Variants in CCDC30 observed in about 807,000 individuals in gnomAD.
The protein encoded by CCDC30 is coiled-coil domain containing 30, also known as coiled-coil domain-containing protein 30.
A neutral mutation model predicts 100.2 loss-of-function variants in CCDC30; 70 were observed. The observed-to-expected ratio is 0.70, with a 90% confidence interval of 0.58 to 0.85. CCDC30 has a LOEUF of 0.85. Ranked by LOEUF, CCDC30 falls within the 40% of genes least tolerant of loss-of-function variation. CCDC30 has a pLI of 0.00. For synonymous variants in CCDC30, 233 were observed against 269.5 expected, an observed-to-expected ratio of 0.86 and a Z score of 1.33; for missense variants, 652 against 771.2, an observed-to-expected ratio of 0.85 and a Z score of 1.83.
chr1:42,636,649 A>G (rs1400202183), intron 11 of CCDC30, among the ~76,000 whole-genome samples: 1 of 152,066 alleles, frequency 6.6e-6, no homozygotes. Context: ...CTCAGATGCT[A>G]AAGTTATACC....
intron 11 of CCDC30, among the ~76,000 whole-genome samples, chr1:42,620,616 A>G (rs1452813778): frequency 6.6e-6 from 1 of 152,074 alleles, no homozygotes; most frequent in East Asian, 1.9e-4. Context: ...TCTCTCAGGA[A>G]TCTCCAAGAC....
intron 1 of CCDC30, among the ~76,000 whole-genome samples, chr1:42,465,347 T>C (rs1254145566): frequency 1.3e-5 from 2 of 151,848 alleles, no homozygotes. Flanking sequence ...GGACAGTTTT[T>C]TTTGTTTTTG....
intron 11 of CCDC30, among the ~76,000 whole-genome samples, chr1:42,626,952 A>G (rs920556110): frequency 2.0e-5 from 3 of 152,192 alleles, no homozygotes; most frequent in Non-Finnish European, 4.4e-5. Flanking sequence ...AGATTGGGGC[A>G]TTGCTGAAAA....
At chr1:42,610,917 A>C (rs553611513) in intron 10 of CCDC30, 61 bp from the exon 15 acceptor site, 2 of 777,814 alleles carry the variant, frequency 2.6e-6, no homozygotes, top group African/African-American at 1.8e-5. Context: ...AAGACTTTGC[A>C]TTTCTTCAAC....
chr1:42,484,776 T>A (rs973516768), intron 3 of CCDC30, among the ~76,000 whole-genome samples: 3 of 152,170 alleles, frequency 2.0e-5, no homozygotes, highest in South Asian at 2.1e-4. Flanking sequence ...TAGCTCTCTA[T>A]CACATCATAA....
At chr1:42,623,674 C>T (rs1404651887) in intron 11 of CCDC30, among the ~76,000 whole-genome samples, 2 of 152,078 alleles carry the variant, frequency 1.3e-5, no homozygotes, top group Non-Finnish European at 2.9e-5. Context: ...TGTGATTTCT[C>T]CAGTTTTGTT....
intron 6 of CCDC30, among the ~76,000 whole-genome samples, chr1:42,536,264 T>C (rs1644902700): frequency 6.6e-6 from 1 of 152,222 alleles, no homozygotes; most frequent in Non-Finnish European, 1.5e-5. Flanking sequence ...GTGATGGCTA[T>C]AATGTAGGTA....
intron 7 of CCDC30, among the ~76,000 whole-genome samples, chr1:42,575,435 G>A (rs1345429469): frequency 6.6e-6 from 1 of 151,920 alleles, no homozygotes; most frequent in East Asian, 1.9e-4. Flanking sequence ...AGATCACAAG[G>A]TTAGGAGATC....
At chr1:42,507,474 G>T (rs1265442954) in intron 6 of CCDC30, among the ~76,000 whole-genome samples, 1 of 152,072 alleles carries the variant, frequency 6.6e-6, no homozygotes, top group Non-Finnish European at 1.5e-5. Context: ...TCCATAACTT[G>T]CTTAAACCTT....
chr1:42,629,561 TC>T (rs1165250013), intron 11 of CCDC30, among the ~76,000 whole-genome samples: 1 of 152,222 alleles, frequency 6.6e-6, no homozygotes, highest in Non-Finnish European at 1.5e-5. Context: ...TTGATATCTT[TC>T]TCTAGGTTTG....
At chr1:42,506,833 AATG>A (rs1366744003) in intron 6 of CCDC30, among the ~76,000 whole-genome samples, 2 of 152,244 alleles carry the variant, frequency 1.3e-5, no homozygotes, top group Admixed American at 6.5e-5. Flanking sequence ...ATTTTGCCAA[AATG>A]ATAAGTCAAA....
intron 6 of CCDC30, among the ~76,000 whole-genome samples, chr1:42,532,187 AG>A (rs1644816447): frequency 6.6e-6 from 1 of 152,188 alleles, no homozygotes. Flanking sequence ...ACTGTGTTCC[AG>A]GGATCTTTGA....
At chr1:42,620,582 C>CAAAA (rs201850758) in intron 11 of CCDC30, among the ~76,000 whole-genome samples, 1 of 108,616 alleles carries the variant, frequency 9.2e-6, no homozygotes, top group African/African-American at 3.4e-5. Context: ...ATATGAGGGG[C>CAAAA]AAAAAAAAAA....
At chr1:42,613,551 G>A (rs1286018894) in intron 11 of CCDC30, among the ~76,000 whole-genome samples, 1 of 152,178 alleles carries the variant, frequency 6.6e-6, no homozygotes, top group Non-Finnish European at 1.5e-5. Context: ...ACCGTGCCCG[G>A]CCTATTCATG....
intron 1 of CCDC30, among the ~76,000 whole-genome samples, chr1:42,476,428 G>T (rs562602124): frequency 3.9e-5 from 6 of 152,220 alleles, no homozygotes; most frequent in Admixed American, 2.0e-4. Context: ...ACACACTTAG[G>T]TGCTATTAGG....
the CCDC30 span, chr1:42,456,562 G>A: frequency 2.0e-6 from 3 of 1,470,784 alleles, no homozygotes; most frequent in African/African-American, 1.4e-5. Context: ...CCGCTGCGCT[G>A]CAGATGGCGG....
At chr1:42,512,732 C>A (rs1307844990) in intron 6 of CCDC30, among the ~76,000 whole-genome samples, 1 of 152,190 alleles carries the variant, frequency 6.6e-6, no homozygotes, top group East Asian at 1.9e-4. Context: ...CAGGTTGTTG[C>A]CCTGACCAGA....
intron 1 of CCDC30, among the ~76,000 whole-genome samples, chr1:42,476,872 C>A (rs1269380556): frequency 7.0e-6 from 1 of 142,824 alleles, no homozygotes; most frequent in Non-Finnish European, 1.5e-5. Flanking sequence ...TACAAGAGTT[C>A]GTTGATGGAA....
chr1:42,490,062 G>A (rs1322305622), intron 3 of CCDC30, 96 bp from the exon 4 acceptor site: 1 of 423,442 alleles, frequency 2.4e-6, no homozygotes, highest in Non-Finnish European at 3.8e-6. Flanking sequence ...CAGTAGCCAG[G>A]TGAAAGAAAG....
Sources: gnomAD v4.1 joint callset for allele counts (sites outside exome capture counted in the v4.1 genomes callset) on GRCh38, gnomAD v4.1.1 for gene constraint, MANE v1.5 for transcripts, NCBI Gene and HGNC (gene_info 2026-07-23, HGNC 2026-07-21) for gene names.